MVD: variants seen among roughly 807,000 people sequenced by gnomAD.
The protein encoded by MVD is diphosphomevalonate decarboxylase.
MVD carries 52 observed loss-of-function variants against 42.4 expected under a neutral mutation model. The ratio of observed to expected loss-of-function variants is 1.23; its 90% CI spans 0.98 to 1.55. The LOEUF (loss-of-function observed/expected upper bound fraction) is 1.55, where lower values mean the gene tolerates loss of function less well. Among genes scored for constraint, MVD ranks in the 40% most tolerant of loss-of-function variants. The pLI is 0.00. For missense variants in MVD, 663 were observed against 572.1 expected (o/e 1.16, Z -1.62); for synonymous variants, 287 against 243.2 (o/e 1.18, Z -1.68).
rs1240249205 is a variant in MVD, at chr16:88,655,303, C to T, written c.793G>A (p.Ala265Thr). The change falls in exon 7 of 10, where the codon GCC becomes ACC. Residue 265 changes from alanine to threonine, a missense_variant. Transcript: ENST00000301012. ...GGCGGGAAGGTGTCGAGGCAGGTGG[C>T]GTGGAACTGGTTGCTGTCCTTCATG... ...LTMKDSNQFH[A>T]TCLDTFPPIS... The T allele has an allele frequency of 3.1e-6, 5 of 1,595,300 alleles. No individual in the cohort carries two copies. Among genetic ancestry groups the T allele is most frequent in the South Asian group, 1.1e-5 (1 of 87,940 alleles).
At position 88,658,644 on chromosome 16, in the gene MVD, A is replaced by G; in HGVS notation, c.141+6T>C. The stretch of plus-strand genomic sequence containing the variant: ...CTGTGGTGTTTAGTCGTCAGTCCAC[A>G]CATACCTGGTCCTGGTGCAGAGTGA... On this transcript the variant is annotated splice_donor_region_variant and intron_variant, in intron 2 of 9. Coordinates refer to ENST00000301012, the MANE Select transcript of MVD (RefSeq NM_002461.3). 6.2e-7 allele frequency: 1 copy of G among 1,613,048 alleles called. No individual in the cohort carries two copies.
chr16:88,654,962 A>G, intron 7 of MVD, 155 bp from the exon 8 acceptor site: 3 of 862,026 alleles, frequency 3.5e-6, no homozygotes, highest in Non-Finnish European at 5.3e-6. Flanking sequence ...AGTGCCTGGT[A>G]CTTGACACGT....
In MVD at chr16:88,657,436, C is replaced by T; in HGVS notation, c.403G>A (p.Ala135Thr). The part of the protein sequence containing the change: ...ASSAAGYACL[A>T]YTLARVYGVE... ...CCTGCGGGTCTCTGTGGGCACCCACCTAGGCAGGCATAGCCCGCCGCTGAG... is the reference window on the plus strand; with the variant it reads ...CCTGCGGGTCTCTGTGGGCACCCACTTAGGCAGGCATAGCCCGCCGCTGAG... Residue 135 changes from alanine (A) to threonine (T), a missense_variant and splice_region_variant, in exon 4 of 10, where the codon GCC (alanine) becomes ACC (threonine). Coordinates refer to ENST00000301012, the MANE Select transcript of MVD (RefSeq NM_002461.3). The T allele has an allele frequency of 6.2e-7, 1 of 1,600,842 alleles. No homozygotes were observed. The highest frequency in any genetic ancestry group is 8.5e-7 in the Non-Finnish European group (1 of 1,174,606).
In MVD at chr16:88,652,170, G is replaced by T. The variant is rs1265497476; in HGVS notation, c.*355C>A. 5.0e-6 allele frequency: 2 copies of T among 397,834 alleles called. No homozygotes were observed. Among genetic ancestry groups the T allele is most frequent in the Non-Finnish European group, 9.4e-6 (2 of 213,160 alleles). 24.6% of individuals were successfully genotyped at this position (397,834 alleles called of 1,614,324 possible). Reference sequence around the variant, plus strand: ...GTGACCCCTTCCCTGGTCCGCTGGAGGGACCACCTCCCCACTGAGCTCCTT... The same window carrying T: ...GTGACCCCTTCCCTGGTCCGCTGGATGGACCACCTCCCCACTGAGCTCCTT... On this transcript the variant is annotated 3_prime_UTR_variant, in exon 10 of 10. Coordinates refer to ENST00000301012, the MANE Select transcript of MVD (RefSeq NM_002461.3).
At chr16:88,657,221 C>CA in intron 4 of MVD, 1 of 743,188 alleles carries the variant, frequency 1.3e-6, no homozygotes, top group Non-Finnish European at 2.3e-6. Flanking sequence ...ACTGGGATTA[C>CA]AGGCGAGAGC....
chr16:88,662,712 G>T, intron 1 of MVD: 1 of 1,412,320 alleles, frequency 7.1e-7, no homozygotes, highest in Non-Finnish European at 9.3e-7. Flanking sequence ...GGATTCTTAC[G>T]ATTCATGGGA....
At chr16:88,653,787 CGTTCGTCACCG>C (rs1224354329) in intron 8 of MVD, among the ~76,000 whole-genome samples, 2 of 152,088 alleles carry the variant, frequency 1.3e-5, no homozygotes, top group African/African-American at 4.8e-5. Context: ...CAAGCTGGTG[CGTTCGTCACCG>C]TGTTCTGCAG....
At position 88,657,466 on chromosome 16, in the gene MVD, C is replaced by T; in HGVS notation, c.373G>A (p.Ala125Thr). Reference protein sequence around the residue: ...VNNFPTAAGLASSAAGYACLA... With the variant: ...VNNFPTAAGLTSSAAGYACLA... Reference sequence around the variant, plus strand: ...CAGGCATAGCCCGCCGCTGAGGAGGCCAGGCCCGCAGCCGTGGGGAAGTTG... The same window carrying T: ...CAGGCATAGCCCGCCGCTGAGGAGGTCAGGCCCGCAGCCGTGGGGAAGTTG... The change falls in exon 4 of 10, where the codon GCC becomes ACC. Residue 125 changes from alanine to threonine, a missense_variant. By Grantham distance (58) the Ala-to-Thr change is moderately conservative. Transcript: ENST00000301012. 6.2e-7 allele frequency: 1 copy of T among 1,611,660 alleles called. No individual in the cohort carries two copies. Among genetic ancestry groups the T allele is most frequent in the Non-Finnish European group, 8.5e-7 (1 of 1,179,486 alleles).
At chr16:88,660,071 G>A (rs1367833877) in intron 1 of MVD, among the ~76,000 whole-genome samples, 2 of 152,072 alleles carry the variant, frequency 1.3e-5, no homozygotes, top group Non-Finnish European at 2.9e-5. Flanking sequence ...CTGAAGGAGT[G>A]GGGACTTTCA....
intron 2 of MVD, among the ~76,000 whole-genome samples, chr16:88,658,378 G>GCTGGGAGATGGAACAGACA (rs1435149276): frequency 6.6e-6 from 1 of 152,198 alleles, no homozygotes; most frequent in Admixed American, 6.5e-5. Context: ...CTGCGTGCTG[G>GCTGGGAGATGGAACAGACA]CTGGGAGTCG....
chr16:88,656,082 T>G, intron 5 of MVD, 23 bp downstream of exon 5: 1 of 1,563,042 alleles, frequency 6.4e-7, no homozygotes, highest in Non-Finnish European at 8.7e-7. Context: ...GGGCTGCTGC[T>G]CCACCCGCCC....
At chr16:88,656,055 T>A in intron 5 of MVD, 50 bp downstream of exon 5, 2 of 1,516,340 alleles carry the variant, frequency 1.3e-6, no homozygotes, top group Non-Finnish European at 1.8e-6. Flanking sequence ...CAGCCCTGAC[T>A]AGGGACAGAG....
intron 1 of MVD, 129 bp from the exon 2 acceptor site, chr16:88,658,849 T>A: frequency 1.5e-6 from 1 of 654,264 alleles, no homozygotes; most frequent in Non-Finnish European, 2.6e-6. Flanking sequence ...CCGCACAACC[T>A]GTGTGCCCCT....
intron 1 of MVD, among the ~76,000 whole-genome samples, chr16:88,662,518 C>G (rs1364589275): frequency 6.6e-6 from 1 of 152,182 alleles, no homozygotes; most frequent in East Asian, 1.9e-4. Flanking sequence ...GCCTGCGGGC[C>G]CCCCATTACC....
In MVD at chr16:88,655,647, T is replaced by G. The variant is rs1240181166; in HGVS notation, c.678+9A>C. The G allele has an allele frequency of 6.4e-7, 1 of 1,550,696 alleles. No homozygotes were observed. Among genetic ancestry groups the G allele is most frequent in the East Asian group, 2.4e-5 (1 of 40,992 alleles). ...CCAGGGCCCCGGGACCACCCGCTCCTGGCCTTACCCGAAGCAGGGGGCTGG... is the reference window on the plus strand; with the variant it reads ...CCAGGGCCCCGGGACCACCCGCTCCGGGCCTTACCCGAAGCAGGGGGCTGG... On this transcript the variant is annotated intron_variant, in intron 6 of 9. Transcript: ENST00000301012.
In MVD at chr16:88,652,470, T is replaced by C; in HGVS notation, c.*55A>G. On this transcript the variant is annotated 3_prime_UTR_variant, in exon 10 of 10. Coordinates refer to ENST00000301012, the MANE Select transcript of MVD (RefSeq NM_002461.3). ...CGGCCAGCCCACCACATCCGCTCCC[T>C]AGCTCCGGCGAGGCCACCCCTTCTC... 6.5e-7 allele frequency: 1 copy of C among 1,537,276 alleles called. No individual in the cohort carries two copies. Among genetic ancestry groups the C allele is most frequent in the Non-Finnish European group, 8.8e-7 (1 of 1,135,550 alleles).
At chr16:88,654,662 A>G in intron 8 of MVD, 30 bp downstream of exon 8, 1 of 1,577,224 alleles carries the variant, frequency 6.3e-7, no homozygotes. Flanking sequence ...CCATCTCCCA[A>G]AAAGGAGGAG....
intron 1 of MVD, 45 bp downstream of exon 1, chr16:88,662,966 C>T (rs1460817311): frequency 5.1e-6 from 8 of 1,572,134 alleles, no homozygotes; most frequent in Non-Finnish European, 6.9e-6. Context: ...CGTACCCGGC[C>T]TCGCTCCCGG....
rs770561548 is a variant in MVD, at chr16:88,657,981, G to T, written c.190C>A (p.Arg64=). ...AVISKDFTED[R]IWLNGREEDV... is the part of the protein sequence containing the mutation. Reference sequence around the variant, plus strand: ...TCCTCCCGGCCATTCAGCCAAATCCGGTCCTCGGTGAAGTCCTTGCTGATG... The same window carrying T: ...TCCTCCCGGCCATTCAGCCAAATCCTGTCCTCGGTGAAGTCCTTGCTGATG... The change falls in exon 3 of 10, where the codon CGG becomes AGG. Residue 64 remains arginine (R), a synonymous_variant. Coordinates refer to ENST00000301012, the MANE Select transcript of MVD (RefSeq NM_002461.3). The T allele has an allele frequency of 1.2e-6, 2 of 1,614,004 alleles. No homozygotes were observed. Among genetic ancestry groups the T allele is most frequent in the Admixed American group, 3.3e-5 (2 of 60,032 alleles).
Sources: allele counts gnomAD v4.1 joint callset (sites outside exome capture counted in the v4.1 genomes callset), GRCh38; gene constraint gnomAD v4.1.1; transcripts MANE v1.5; gene names NCBI Gene and HGNC (gene_info 2026-07-23, HGNC 2026-07-21).